Variants in STIM2 observed in about 807,000 individuals in gnomAD.
STIM2 encodes the protein stromal interaction molecule 2.
Under a neutral mutation model 85.8 loss-of-function variants are expected in STIM2, and 31 were observed. That is an observed-to-expected ratio of 0.36 (90% confidence interval 0.27 to 0.49). The LOEUF is 0.49. Among genes scored for constraint, STIM2 ranks in the 20% least tolerant of loss-of-function variants. STIM2 has a pLI of 0.98. For synonymous variants in STIM2, 356 were observed against 331.1 expected, an observed-to-expected ratio of 1.08 and a Z score of -0.82; for missense variants, 841 against 927.6, an observed-to-expected ratio of 0.91 and a Z score of 1.21.
intron 2 of STIM2, among the ~76,000 whole-genome samples, chr4:26,922,999 G>T (rs1310176312): frequency 6.6e-6 from 1 of 151,948 alleles, no homozygotes; most frequent in Non-Finnish European, 1.5e-5. Flanking sequence ...GAAGAGAGCA[G>T]TGGTTCTCCC....
intron 10 of STIM2, among the ~76,000 whole-genome samples, chr4:27,010,784 A>G (rs1202995845): frequency 6.6e-6 from 1 of 152,246 alleles, no homozygotes. Context: ...AACAATATAC[A>G]CAGAATAATA....
At chr4:26,985,597 C>A (rs1560230301) in intron 3 of STIM2, among the ~76,000 whole-genome samples, 1 of 151,886 alleles carries the variant, frequency 6.6e-6, no homozygotes. Flanking sequence ...TCTTCCTGAC[C>A]CCCTTGCCAA....
chr4:26,909,688 CAT>C (rs1363332376), intron 1 of STIM2, among the ~76,000 whole-genome samples: 1 of 152,154 alleles, frequency 6.6e-6, no homozygotes, highest in African/African-American at 2.4e-5. Flanking sequence ...ATATACGTAA[CAT>C]AAAATTGATC....
intron 4 of STIM2, among the ~76,000 whole-genome samples, chr4:26,995,958 TA>T (rs1398530004): frequency 6.6e-6 from 1 of 152,204 alleles, no homozygotes; most frequent in South Asian, 2.1e-4. Flanking sequence ...GCAACCATTT[TA>T]AAATGTATGC....
intron 3 of STIM2, among the ~76,000 whole-genome samples, chr4:26,982,374 T>G (rs1218912736): frequency 6.6e-6 from 1 of 152,174 alleles, no homozygotes; most frequent in Non-Finnish European, 1.5e-5. Context: ...TGTCCCAAAT[T>G]TAGTTAATGG....
chr4:27,011,332 G>A (rs918389297), intron 10 of STIM2, among the ~76,000 whole-genome samples: 3 of 152,140 alleles, frequency 2.0e-5, no homozygotes, highest in Non-Finnish European at 2.9e-5. Context: ...TGCTTAATGA[G>A]TTAACCATAA....
intron 2 of STIM2, among the ~76,000 whole-genome samples, chr4:26,922,464 C>T (rs1385750168): frequency 6.6e-6 from 1 of 152,090 alleles, no homozygotes; most frequent in Non-Finnish European, 1.5e-5. Flanking sequence ...CAATGACTTG[C>T]TAAAATGGCT....
At chr4:26,991,142 G>A (rs1727751353) in intron 3 of STIM2, among the ~76,000 whole-genome samples, 1 of 152,062 alleles carries the variant, frequency 6.6e-6, no homozygotes, top group Non-Finnish European at 1.5e-5. Flanking sequence ...CATGTTTACT[G>A]CAGCACTATT....
chr4:26,933,443 A>C (rs1725275031), intron 2 of STIM2, among the ~76,000 whole-genome samples: 1 of 152,246 alleles, frequency 6.6e-6, no homozygotes, highest in Non-Finnish European at 1.5e-5. Flanking sequence ...CCTGTGGTTC[A>C]AATACAGTCC....
chr4:26,861,709 T>G (rs535533495), intron 1 of STIM2: 3,530 of 179,628 alleles, frequency 0.02, 156 homozygotes, highest in African/African-American at 0.08. Context: ...TTTTTTTTTT[T>G]TTTTTTTTGA....
chr4:26,898,607 T>G (rs1274826710), intron 1 of STIM2, among the ~76,000 whole-genome samples: 2 of 152,170 alleles, frequency 1.3e-5, no homozygotes, highest in African/African-American at 4.8e-5. Flanking sequence ...GTCAAGAACT[T>G]TGATCAGTAT....
At chr4:26,972,898 A>C (rs1358892403) in intron 3 of STIM2, among the ~76,000 whole-genome samples, 2 of 152,130 alleles carry the variant, frequency 1.3e-5, no homozygotes, top group Non-Finnish European at 2.9e-5. Context: ...TAGGCTATTA[A>C]TTATTGCCTC....
intron 1 of STIM2, among the ~76,000 whole-genome samples, chr4:26,905,861 T>C (rs1384067855): frequency 6.6e-6 from 1 of 152,084 alleles, no homozygotes. Flanking sequence ...TTTTGGAAAA[T>C]GTATGAGATA....
intron 1 of STIM2, among the ~76,000 whole-genome samples, chr4:26,880,046 C>T (rs1408523220): frequency 2.0e-5 from 3 of 152,162 alleles, no homozygotes; most frequent in Non-Finnish European, 4.4e-5. Flanking sequence ...ATAATTTTCT[C>T]CCCCCGCTTT....
intron 2 of STIM2, among the ~76,000 whole-genome samples, chr4:26,948,282 G>A (rs1438292777): frequency 6.6e-6 from 1 of 152,174 alleles, no homozygotes; most frequent in Non-Finnish European, 1.5e-5. Context: ...TCCAACGAAA[G>A]TGCTGAGTGG....
intron 1 of STIM2, among the ~76,000 whole-genome samples, chr4:26,891,025 A>G (rs1707458450): frequency 6.6e-6 from 1 of 152,164 alleles, no homozygotes. Flanking sequence ...GCAGCTTACA[A>G]TGGCAGCCTA....
chr4:26,908,431 T>C (rs534151413), intron 1 of STIM2, among the ~76,000 whole-genome samples: 6 of 152,316 alleles, frequency 3.9e-5, no homozygotes, highest in African/African-American at 1.4e-4. Context: ...AGTATGAGAC[T>C]AACACAGCAT....
chr4:26,876,202 G>A (rs1358638744), intron 1 of STIM2, among the ~76,000 whole-genome samples: 4 of 152,076 alleles, frequency 2.6e-5, no homozygotes, highest in South Asian at 4.1e-4. Context: ...TAATTTCTCC[G>A]CTACTATGGA....
chr4:26,939,868 C>T (rs544880984), intron 2 of STIM2, among the ~76,000 whole-genome samples: 3 of 152,236 alleles, frequency 2.0e-5, no homozygotes, highest in African/African-American at 7.2e-5. Flanking sequence ...ATATAGGCCC[C>T]ATGAGTTAAC....
Sources: allele counts gnomAD v4.1 joint callset (sites outside exome capture counted in the v4.1 genomes callset), GRCh38; gene constraint gnomAD v4.1.1; transcripts MANE v1.5; gene names NCBI Gene and HGNC (gene_info 2026-07-23, HGNC 2026-07-21).